Variants in LRP1B observed in about 807,000 individuals in gnomAD.
The protein encoded by LRP1B is LDL receptor related protein 1B.
Under a neutral mutation model 556.6 loss-of-function variants are expected in LRP1B, and 217 were observed. That is an observed-to-expected ratio of 0.39 (90% confidence interval 0.35 to 0.44). The LOEUF is 0.44. LRP1B is among the 20% of genes least tolerant of loss of function. The probability of loss-of-function intolerance (pLI) is 1.00; values close to 1 mark genes in which losing one functional copy is unlikely to be tolerated. For missense variants in LRP1B, 5,053 were observed against 5,620.8 expected (o/e 0.90, Z 3.23); for synonymous variants, 2,047 against 1,865.8 (o/e 1.10, Z -2.50).
intron 10 of LRP1B, among the ~76,000 whole-genome samples, chr2:141,054,320 A>G (rs1216607480): frequency 6.6e-6 from 1 of 151,986 alleles, no homozygotes; most frequent in Non-Finnish European, 1.5e-5. Flanking sequence ...CAGTCATCAT[A>G]AAATTAAAAA....
At chr2:140,575,699 G>A (rs899012324) in intron 43 of LRP1B, among the ~76,000 whole-genome samples, 1 of 151,952 alleles carries the variant, frequency 6.6e-6, no homozygotes, top group African/African-American at 2.4e-5. Context: ...TGAAGCGGGA[G>A]GATCATGAGG....
intron 7 of LRP1B, among the ~76,000 whole-genome samples, chr2:141,110,226 A>G (rs1407310209): frequency 6.6e-6 from 1 of 152,150 alleles, no homozygotes; most frequent in African/African-American, 2.4e-5. Context: ...GGGTCTACAC[A>G]TAAAGCCAAA....
intron 68 of LRP1B, among the ~76,000 whole-genome samples, chr2:140,376,657 G>T (rs1683245673): frequency 6.6e-6 from 1 of 152,006 alleles, no homozygotes; most frequent in South Asian, 2.1e-4. Flanking sequence ...TCTCTTGAGC[G>T]ACCTTTGCAT....
At chr2:140,548,938 C>A (rs1163862516) in intron 43 of LRP1B, among the ~76,000 whole-genome samples, 1 of 151,840 alleles carries the variant, frequency 6.6e-6, no homozygotes, top group Non-Finnish European at 1.5e-5. Context: ...AAAACCAACA[C>A]AAACAAACAA....
At chr2:140,272,871 T>C (rs964535076) in intron 85 of LRP1B, among the ~76,000 whole-genome samples, 2 of 152,094 alleles carry the variant, frequency 1.3e-5, no homozygotes, top group African/African-American at 2.4e-5. Context: ...TAGCAATTGT[T>C]ATTTATCCAT....
At position 140,952,037 on chromosome 2, in the gene LRP1B, G is replaced by C. The variant is rs1013643979; in HGVS notation, c.2888-97C>G. The C allele has an allele frequency of 3.9e-5, 33 of 850,942 alleles. No individual in the cohort carries two copies. In the East Asian group the frequency reaches 7.3e-4, roughly 19 times the overall value. 52.7% of individuals were successfully genotyped at this position (850,942 alleles called of 1,614,324 possible). ...ATAATGTGATCAGAACTCCTTCCCT[G>C]TTCTCTACAAAGGCACAGAGGAAAT... is the stretch of plus-strand genomic sequence containing the variant. On this transcript the variant is annotated intron_variant, in intron 18 of 90. Coordinates refer to ENST00000389484, the MANE Select transcript of LRP1B (RefSeq NM_018557.3).
chr2:141,833,703 C>T (rs1697178654), intron 1 of LRP1B, among the ~76,000 whole-genome samples: 1 of 151,610 alleles, frequency 6.6e-6, no homozygotes, highest in Admixed American at 6.6e-5. Flanking sequence ...GTCATATCTC[C>T]AGCTCCTAAC....
chr2:141,404,389 A>G (rs1690552348), intron 3 of LRP1B, among the ~76,000 whole-genome samples: 1 of 152,198 alleles, frequency 6.6e-6, no homozygotes, highest in Admixed American at 6.5e-5. Context: ...AATTCTCAGA[A>G]TAACAATCTT....
At chr2:140,343,706 G>A (rs1681511297) in intron 77 of LRP1B, among the ~76,000 whole-genome samples, 1 of 151,574 alleles carries the variant, frequency 6.6e-6, no homozygotes, top group Non-Finnish European at 1.5e-5. Flanking sequence ...TTCATAAATA[G>A]GTAAATAGCT....
At chr2:142,107,024 T>G (rs1243423038) in intron 1 of LRP1B, among the ~76,000 whole-genome samples, 1 of 152,138 alleles carries the variant, frequency 6.6e-6, no homozygotes. Context: ...AAAATTCATA[T>G]GTTTTTTGCC....
chr2:141,502,725 G>A (rs997799210), intron 2 of LRP1B, among the ~76,000 whole-genome samples: 2 of 151,946 alleles, frequency 1.3e-5, no homozygotes, highest in Admixed American at 6.6e-5. Context: ...TGGGCATGGT[G>A]CCACGTTCCT....
chr2:141,554,534 A>G (rs899224290), intron 2 of LRP1B, among the ~76,000 whole-genome samples: 1 of 151,762 alleles, frequency 6.6e-6, no homozygotes, highest in African/African-American at 2.4e-5. Flanking sequence ...ACTTTATACC[A>G]CTCATATATG....
At chr2:141,291,261 T>A (rs894986801) in intron 3 of LRP1B, among the ~76,000 whole-genome samples, 2 of 152,150 alleles carry the variant, frequency 1.3e-5, no homozygotes, top group African/African-American at 4.8e-5. Context: ...TAGAATAATA[T>A]CAAGATATTT....
chr2:141,121,357 T>C (rs1701043114), intron 7 of LRP1B, among the ~76,000 whole-genome samples: 1 of 151,998 alleles, frequency 6.6e-6, no homozygotes. Flanking sequence ...AGTATATCAT[T>C]TAATCACTTA....
At chr2:141,521,972 A>C (rs1388092963) in intron 2 of LRP1B, among the ~76,000 whole-genome samples, 2 of 152,138 alleles carry the variant, frequency 1.3e-5, no homozygotes, top group African/African-American at 2.4e-5. Context: ...TACATGATCC[A>C]CTAAATTCTT....
chr2:142,086,786 T>TTA lies in LRP1B; in HGVS notation c.82+43860_82+43861dup, dbSNP rs148783028. 9.8e-3 allele frequency among the ~76,000 whole-genome samples: 1,488 copies of TTA among 152,304 alleles called. 34 individuals carry two copies. The highest frequency in any genetic ancestry group is 0.034 in the African/African-American group (1,399 of 41,554). ...CAAAGTTAACTGAGTGTCCTACATA[T>TTA]TATCTGTCAATCCTACTTCCTAGAT... is the stretch of plus-strand genomic sequence containing the variant. On this transcript the variant is annotated intron_variant, in intron 1 of 90. Transcript: ENST00000389484.
At chr2:141,500,022 C>T (rs549294698) in intron 2 of LRP1B, among the ~76,000 whole-genome samples, 28 of 152,140 alleles carry the variant, frequency 1.8e-4, no homozygotes, top group African/African-American at 6.3e-4. Context: ...AACTATCTTC[C>T]TTCCCTTTTT....
chr2:140,838,809 C>T (rs777730789), intron 31 of LRP1B, among the ~76,000 whole-genome samples: 25 of 152,062 alleles, frequency 1.6e-4, no homozygotes, highest in Non-Finnish European at 3.5e-4. Context: ...ATTTTTGCTT[C>T]TCAAAGGTAT....
At chr2:141,843,887 C>T (rs182999012) in intron 1 of LRP1B, among the ~76,000 whole-genome samples, 43 of 152,228 alleles carry the variant, frequency 2.8e-4, no homozygotes, top group Admixed American at 2.0e-3. Context: ...CTCTTCACCT[C>T]ATTTACCCAG....
Sources: gnomAD v4.1 joint callset for allele counts (sites outside exome capture counted in the v4.1 genomes callset) on GRCh38, gnomAD v4.1.1 for gene constraint, MANE v1.5 for transcripts, NCBI Gene and HGNC (gene_info 2026-07-23, HGNC 2026-07-21) for gene names.